Variants in LYST observed in about 807,000 individuals in gnomAD.
LYST encodes the protein lysosomal-trafficking regulator.
In LYST, 192 loss-of-function variants were observed where a neutral mutation model predicts 413.6. That is an observed-to-expected ratio of 0.46 (90% CI 0.41 to 0.52). LYST has a LOEUF of 0.52. Among genes scored for constraint, LYST ranks in the 20% least tolerant of loss-of-function variants. The pLI is 0.00. For missense variants in LYST, 3,815 were observed against 4,499.9 expected (o/e 0.85, Z 4.35); for synonymous variants, 1,525 against 1,567.3 (o/e 0.97, Z 0.64).
intron 32 of LYST, 121 bp from the exon 33 acceptor site, chr1:235,734,027 G>A (rs1367353205): frequency 1.4e-5 from 8 of 564,990 alleles, no homozygotes; most frequent in African/African-American, 9.6e-5. Context: ...TTGTCCCTAG[G>A]AGACCAGAAT....
intron 50 of LYST, among the ~76,000 whole-genome samples, chr1:235,673,932 G>A (rs1659171278): frequency 6.6e-6 from 1 of 152,136 alleles, no homozygotes; most frequent in South Asian, 2.1e-4. Context: ...CGATTGTTGC[G>A]CTTTTGCAAC....
rs1672823416 is a variant in LYST, at chr1:235,806,282, G to C, written c.2854C>G (p.Pro952Ala). The C allele has an allele frequency of 6.2e-7, 1 of 1,613,822 alleles. No homozygotes were observed. The highest frequency in any genetic ancestry group is 1.3e-5 in the African/African-American group (1 of 74,848). Reference protein sequence around the residue: ...PCISLESLVLPSPEHMHQAAD... With the variant: ...PCISLESLVLASPEHMHQAAD... ...GCTTGGTGCATATGTTCAGGAGAAG[G>C]CAAGACAAGGCTCTCGAGAGATATA... The change falls in exon 6 of 53, where the codon CCT (proline) becomes GCT (alanine). Residue 952 changes from proline to alanine, a missense_variant. Pro to Ala is a conservative substitution (Grantham distance 27, BLOSUM62 -1). This residue lies in a region of LYST where 1,648 missense variants were observed against 1,810.3 expected (regional missense o/e 0.91). Coordinates refer to ENST00000389793, the MANE Select transcript of LYST (RefSeq NM_000081.4).
At position 235,773,941 on chromosome 1, in the gene LYST, A is replaced by G. The variant is rs1185101322; in HGVS notation, c.5685T>C (p.Asn1895=). The stretch of plus-strand genomic sequence containing the variant: ...AGTCTACATCCAACTTAAACTCTCC[A>G]TTCTCATTCATATAAATAATATCTT... ...CGEDIIYMNE[N]GEFKLDVDSN... Residue 1895 remains asparagine (N), a synonymous_variant, in exon 19 of 53, where the codon AAT becomes AAC. Coordinates refer to ENST00000389793, the MANE Select transcript of LYST (RefSeq NM_000081.4). 3 of 1,604,518 alleles carry G rather than the reference A, an allele frequency of 1.9e-6. No homozygotes were observed. The South Asian group carries it at 3.3e-5, about 18-fold the overall frequency.
intron 37 of LYST, 121 bp from the exon 38 acceptor site, chr1:235,728,252 T>A (rs1664069100): frequency 1.4e-6 from 1 of 726,428 alleles, no homozygotes; most frequent in Admixed American, 1.9e-5. Context: ...TCGACACAGT[T>A]CCTGGCACTC....
rs1016272870 is a variant in LYST at position 235,722,597 on chromosome 1, T to G, written c.9315+1431A>C. 2.0e-5 allele frequency among the ~76,000 whole-genome samples: 3 copies of G among 152,200 alleles called. No individual in the cohort carries two copies. The East Asian group carries it at 5.8e-4, about 29-fold the overall frequency. ...GCTTCCCAGGTTCAAGTGATTCTCCTGCCTCAGCCTCCCAAGTAGCTGGGA... is the reference window on the plus strand; with the variant it reads ...GCTTCCCAGGTTCAAGTGATTCTCCGGCCTCAGCCTCCCAAGTAGCTGGGA... On this transcript the variant is annotated intron_variant, in intron 39 of 52. Transcript: ENST00000389793.
intron 28 of LYST, among the ~76,000 whole-genome samples, chr1:235,750,385 T>C (rs1201933188): frequency 1.3e-5 from 2 of 152,196 alleles, no homozygotes; most frequent in Non-Finnish European, 2.9e-5. Context: ...TCTTTACAAG[T>C]GAGTTTTTCA....
At chr1:235,857,525 A>G (rs1215330330) in intron 1 of LYST, among the ~76,000 whole-genome samples, 2 of 152,032 alleles carry the variant, frequency 1.3e-5, no homozygotes, top group African/African-American at 4.8e-5. Context: ...GGAAAGCACA[A>G]AGAAAGAGAA....
chr1:235,734,355 G>A (rs900991119), intron 32 of LYST, 128 bp downstream of exon 32: 2 of 822,114 alleles, frequency 2.4e-6, no homozygotes, highest in Non-Finnish European at 4.0e-6. Context: ...TAGTATATAG[G>A]AAAAATAAAA....
intron 21 of LYST, 81 bp from the exon 22 acceptor site, chr1:235,762,932 A>G: frequency 9.4e-7 from 1 of 1,060,442 alleles, no homozygotes; most frequent in South Asian, 1.3e-5. Context: ...CAGATCATTA[A>G]ATTCAAATTT....
Position 235,664,563 on chromosome 1 carries a change from G to C in LYST, c.11097C>G (p.Val3699=), listed in dbSNP as rs1387145317. 6.2e-7 allele frequency: 1 copy of C among 1,614,116 alleles called. No individual in the cohort carries two copies. The highest frequency in any genetic ancestry group is 8.5e-7 in the Non-Finnish European group (1 of 1,180,000). ...CGGAACAGATGATCTCCCTGCAGTG[G>C]ACATGTCCAACGAGATCCCCGTTCA... The part of the protein sequence containing the change: ...WTVNGDLVGH[V]HCREIICSVA... The change falls in exon 51 of 53, where the codon GTC becomes GTG. Residue 3699 remains valine (V), a synonymous_variant. Transcript: ENST00000389793. The surrounding 1 kb of genome is among the most constrained non-coding windows in gnomAD (Gnocchi z 4.5).
chr1:235,864,538 C>A (rs1196172943), intron 1 of LYST, among the ~76,000 whole-genome samples: 1 of 152,178 alleles, frequency 6.6e-6, no homozygotes, highest in Non-Finnish European at 1.5e-5. Context: ...TGGATTAGGG[C>A]AACAGTTCCG....
chr1:235,845,643 G>GC (rs962512508), intron 1 of LYST, among the ~76,000 whole-genome samples: 14 of 48,202 alleles, frequency 2.9e-4, no homozygotes, highest in African/African-American at 2.4e-3. Flanking sequence ...CCGGCAGTTA[G>GC]GGGGGACACG....
chr1:235,738,385 G>T lies in LYST; in HGVS notation c.8358+3037C>A, dbSNP rs11553868. Reference sequence around the variant, plus strand: ...TTCCTAATGTTGTAAAATACAGCCCGAACTGCAAGTTGCTTATTGTTTCAA... The same window carrying T: ...TTCCTAATGTTGTAAAATACAGCCCTAACTGCAAGTTGCTTATTGTTTCAA... On this transcript the variant is annotated intron_variant, in intron 31 of 52. Transcript: ENST00000389793. 4.3e-6 allele frequency: 7 copies of T among 1,613,038 alleles called. No individual in the cohort carries two copies. In the African/African-American group the frequency reaches 6.7e-5, roughly 15 times the overall value.
intron 1 of LYST, among the ~76,000 whole-genome samples, chr1:235,873,445 C>T (rs539414922): frequency 1.3e-5 from 2 of 152,090 alleles, no homozygotes; most frequent in Non-Finnish European, 2.9e-5. Flanking sequence ...TAGACAAATA[C>T]ACAATATACA....
intron 2 of LYST, among the ~76,000 whole-genome samples, chr1:235,831,428 G>C (rs2103002520): frequency 6.6e-6 from 1 of 152,316 alleles, no homozygotes; most frequent in South Asian, 2.1e-4. Flanking sequence ...AAACTAAAGG[G>C]ATATAGTTGA....
At chr1:235,842,143 T>C (rs1391498094) in intron 1 of LYST, among the ~76,000 whole-genome samples, 3 of 151,768 alleles carry the variant, frequency 2.0e-5, no homozygotes, top group African/African-American at 7.3e-5. Context: ...AGCAGAAGCA[T>C]AAGTGAAGGG....
At chr1:235,770,527 A>C (rs1179171426) in intron 19 of LYST, among the ~76,000 whole-genome samples, 3 of 152,204 alleles carry the variant, frequency 2.0e-5, no homozygotes, top group Non-Finnish European at 2.9e-5. Context: ...GTGCTTTCCT[A>C]CATTACCCTT....
At chr1:235,849,218 T>TA (rs1346259438) in intron 1 of LYST, among the ~76,000 whole-genome samples, 5 of 152,030 alleles carry the variant, frequency 3.3e-5, no homozygotes, top group African/African-American at 9.6e-5. Flanking sequence ...TTAACATACG[T>TA]AAGTCAATAA....
rs764577431 is a variant in LYST, at chr1:235,787,257, T to G, written c.4805A>C (p.Gln1602Pro). Residue 1602 changes from glutamine (Q) to proline (P), a missense_variant, in exon 14 of 53, where the codon CAG (glutamine) becomes CCG (proline). Gln to Pro is a moderately conservative substitution (Grantham distance 76, BLOSUM62 -1). Transcript: ENST00000389793. ...WQHLVLTYLQ[Q>P]PQGKRRIHGK... ...ATGAATCCTCCTTTTCCCTTGGGGC[T>G]GCTGTAAGTAGGTGAGTACTAAATG... The G allele has an allele frequency of 3.7e-6, 6 of 1,613,714 alleles. No individual in the cohort carries two copies. The highest frequency in any genetic ancestry group is 5.1e-6 in the Non-Finnish European group (6 of 1,179,782).
Sources: gnomAD v4.1 joint callset for allele counts (sites outside exome capture counted in the v4.1 genomes callset) on GRCh38, gnomAD v4.1.1 for gene constraint, gnomAD v4.1.1 regional missense constraint, Gnocchi (gnomAD v3.1) non-coding constraint, MANE v1.5 for transcripts, NCBI Gene and HGNC (gene_info 2026-07-23, HGNC 2026-07-21) for gene names.